Variants in AMZ1 observed in about 807,000 individuals in gnomAD.
AMZ1 encodes the protein archaemetzincin-1.
AMZ1 carries 39 observed loss-of-function variants against 29.9 expected under a neutral mutation model. The ratio of observed to expected loss-of-function variants is 1.30; its 90% confidence interval spans 1.01 to 1.70. The LOEUF (loss-of-function observed/expected upper bound fraction) is 1.70. Ranked by LOEUF, AMZ1 falls within the 40% of genes most tolerant of loss-of-function variation. AMZ1 has a pLI of 0.00. For missense variants in AMZ1, 1,041 were observed against 680.6 expected (o/e 1.53, Z -5.89); for synonymous variants, 458 against 304.0 (o/e 1.51, Z -5.27).
upstream of AMZ1, chr7:2,763,406 G>C (rs1369167714): frequency 6.6e-6 from 1 of 152,544 alleles, no homozygotes; most frequent in Admixed American, 6.5e-5. Flanking sequence ...GCCCACAAAG[G>C]AGCTCTTCCT....
In AMZ1 at chr7:2,700,385, C is replaced by T. The variant is rs545540653; in HGVS notation, c.-67C>T. 1.4e-4 allele frequency: 207 copies of T among 1,531,996 alleles called. No individual in the cohort carries two copies. The highest frequency in any genetic ancestry group is 5.7e-4 in the Admixed American group (31 of 54,700). 94.9% of individuals were successfully genotyped at this position (1,531,996 alleles called of 1,614,324 possible). A position where few individuals can be genotyped will look rare whatever the true frequency, so the allele number is the denominator to read the frequency against. On this transcript the variant is annotated 5_prime_UTR_variant, in exon 2 of 7. Transcript: ENST00000683327. ...GGAAGATTCTGGACGAGACCGTGGC[C>T]GTCCCCCGGGTGGCCCATGGACAGC...
Position 2,700,352 on chromosome 7 carries a change from A to C in AMZ1, c.-100A>C. ...GGAGCCCCCGGTAGCCACTCGGATC[A>C]GCCCGAGGGAAGATTCTGGACGAGA... is the stretch of plus-strand genomic sequence containing the variant. On this transcript the variant is annotated 5_prime_UTR_variant, in exon 2 of 7. Coordinates refer to ENST00000683327, the MANE Select transcript of AMZ1 (RefSeq NM_001384743.1). The C allele has an allele frequency of 7.2e-7, 1 of 1,383,890 alleles. No individual in the cohort carries two copies. Among genetic ancestry groups the C allele is most frequent in the Admixed American group, 2.3e-5 (1 of 43,918 alleles). 85.7% of individuals were successfully genotyped at this position (1,383,890 alleles called of 1,614,324 possible).
At chr7:2,695,623 G>A (rs1008150924) in intron 1 of AMZ1, among the ~76,000 whole-genome samples, 1 of 152,002 alleles carries the variant, frequency 6.6e-6, no homozygotes, top group Non-Finnish European at 1.5e-5. Context: ...CAAGGCAGGA[G>A]GACTGCTTGA....
intron 4 of AMZ1, among the ~76,000 whole-genome samples, chr7:2,741,076 T>A (rs895615512): frequency 3.3e-5 from 5 of 149,624 alleles, no homozygotes; most frequent in African/African-American, 1.2e-4. Flanking sequence ...AAACAAATAA[T>A]CAAACAAAAA....
intron 4 of AMZ1, among the ~76,000 whole-genome samples, chr7:2,726,103 G>A (rs1209005441): frequency 6.6e-6 from 1 of 152,188 alleles, no homozygotes; most frequent in South Asian, 2.1e-4. Context: ...CAATCATTTC[G>A]GAAAGAGACT....
In AMZ1 at chr7:2,735,357, G is replaced by C. The variant is rs185807069; in HGVS notation, n.550+25541G>C. Among the ~76,000 whole-genome samples the C allele has an allele frequency of 4.4e-3, 668 of 152,364 alleles. 5 individuals are homozygous for C. The highest frequency in any genetic ancestry group is 0.015 in the African/African-American group (637 of 41,592). On this transcript the variant is annotated intron_variant and non_coding_transcript_variant, in intron 4 of 4. Transcript: ENST00000489665. ...ACCAGGCACGAAGGAAGCAGAGGCA[G>C]TTCTCCTGCAGGGTTCTAGCTGGGT...
At chr7:2,738,924 T>C (rs925923035) in intron 4 of AMZ1, among the ~76,000 whole-genome samples, 2 of 152,196 alleles carry the variant, frequency 1.3e-5, no homozygotes, top group African/African-American at 4.8e-5. Context: ...GCCCTGTGTG[T>C]AGCCTCGTGG....
At chr7:2,696,506 CTG>C (rs1787753585) in intron 1 of AMZ1, among the ~76,000 whole-genome samples, 3 of 151,282 alleles carry the variant, frequency 2.0e-5, no homozygotes, top group Non-Finnish European at 4.4e-5. Flanking sequence ...ATCTGCCCGC[CTG>C]GGCCTCCCAA....
rs1292381930 is a variant in AMZ1, at chr7:2,708,719, G to A, written c.601+3G>A. On this transcript the variant is annotated splice_donor_region_variant and intron_variant, in intron 4 of 6. Transcript: ENST00000683327. ...CAGCAAGTTCCTTCCAGGGCACGGTGAGCCGGGGCCCCAGCAGCTGTGCGT... is the reference window on the plus strand; with the variant it reads ...CAGCAAGTTCCTTCCAGGGCACGGTAAGCCGGGGCCCCAGCAGCTGTGCGT... The A allele has an allele frequency of 5.0e-6, 8 of 1,612,400 alleles. No individual in the cohort carries two copies. The highest frequency in any genetic ancestry group is 5.9e-6 in the Non-Finnish European group (7 of 1,179,988).
At chr7:2,758,022 T>C (rs1487187733) in intron 4 of AMZ1, among the ~76,000 whole-genome samples, 1 of 152,204 alleles carries the variant, frequency 6.6e-6, no homozygotes, top group African/African-American at 2.4e-5. Context: ...ACCTAATAAA[T>C]GTCTGGAAAA....
At chr7:2,710,558 C>G (rs1231370763) in intron 6 of AMZ1, among the ~76,000 whole-genome samples, 1 of 152,174 alleles carries the variant, frequency 6.6e-6, no homozygotes, top group Non-Finnish European at 1.5e-5. Context: ...CCTGCAGGGC[C>G]TAGCTGGGCC....
downstream of AMZ1, among the ~76,000 whole-genome samples, chr7:2,721,114 G>C (rs942177301): frequency 6.6e-6 from 1 of 152,244 alleles, no homozygotes; most frequent in Non-Finnish European, 1.5e-5. Flanking sequence ...CTCTATTGAA[G>C]ACACACTGGG....
In AMZ1 at chr7:2,708,575, CCT is replaced by C. The variant is rs780074701; in HGVS notation, c.473-9_473-8del. ...CTGCCTCCTGACCCCATCCTCTGGC[CCT>C]CTCCCCGCAGACGGCATCCTGTCCT... On this transcript the variant is annotated splice_polypyrimidine_tract_variant and intron_variant, in intron 3 of 6. Transcript: ENST00000683327. The C allele has an allele frequency of 1.2e-6, 2 of 1,611,550 alleles. No homozygotes were observed. The highest frequency in any genetic ancestry group is 1.3e-5 in the African/African-American group (1 of 74,994).
upstream of AMZ1, among the ~76,000 whole-genome samples, chr7:2,761,697 C>T (rs138493672): frequency 1.1e-3 from 167 of 152,210 alleles, no homozygotes; most frequent in Non-Finnish European, 2.1e-3. Context: ...CTCCTTTGAC[C>T]GAATCCTTGA....
upstream of AMZ1, among the ~76,000 whole-genome samples, chr7:2,684,024 A>G (rs1363417335): frequency 6.6e-6 from 1 of 151,940 alleles, no homozygotes; most frequent in Non-Finnish European, 1.5e-5. Flanking sequence ...CTAAAAATAC[A>G]AAAATTAGCT....
At chr7:2,755,138 C>A (rs996310980) in intron 4 of AMZ1, among the ~76,000 whole-genome samples, 1 of 152,202 alleles carries the variant, frequency 6.6e-6, no homozygotes, top group South Asian at 2.1e-4. Context: ...TCTCTCCCTG[C>A]GCCAGCACCA....
chr7:2,742,203 C>G (rs1790541410), intron 4 of AMZ1, among the ~76,000 whole-genome samples: 1 of 151,616 alleles, frequency 6.6e-6, no homozygotes, highest in South Asian at 2.1e-4. Flanking sequence ...TGTATTTTTA[C>G]TACAGACAGG....
intron 4 of AMZ1, among the ~76,000 whole-genome samples, chr7:2,750,538 T>C (rs1790983463): frequency 6.6e-6 from 1 of 152,096 alleles, no homozygotes; most frequent in African/African-American, 2.4e-5. Context: ...TTAGGCAGAG[T>C]AAGGTTAACA....
upstream of AMZ1, among the ~76,000 whole-genome samples, chr7:2,687,835 C>A (rs534207146): frequency 6.6e-6 from 1 of 151,404 alleles, no homozygotes; most frequent in African/African-American, 2.4e-5. Flanking sequence ...GGTTCCCCTT[C>A]CTCACCTCGT....
Sources: gnomAD v4.1 joint callset for allele counts (sites outside exome capture counted in the v4.1 genomes callset) on GRCh38, gnomAD v4.1.1 for gene constraint, MANE v1.5 for transcripts, NCBI Gene and HGNC (gene_info 2026-07-23, HGNC 2026-07-21) for gene names.